BICDL1: variants seen among roughly 807,000 people sequenced by gnomAD.
BICDL1 encodes the protein BICD family like cargo adaptor 1.
BICDL1 carries 20 observed loss-of-function variants against 76.8 expected under a neutral mutation model. That is an observed-to-expected ratio of 0.26 (90% confidence interval 0.18 to 0.38). BICDL1 has a LOEUF of 0.38. Ranked by LOEUF, BICDL1 falls within the 10% of genes least tolerant of loss-of-function variation. The pLI is 1.00. For missense variants in BICDL1, 700 were observed against 798.6 expected (o/e 0.88, Z 1.49); for synonymous variants, 383 against 337.1 (o/e 1.14, Z -1.49).
chr12:120,078,157 T>G (rs1374107523), intron 7 of BICDL1, among the ~76,000 whole-genome samples: 3 of 152,176 alleles, frequency 2.0e-5, no homozygotes, highest in African/African-American at 7.2e-5. Flanking sequence ...CACTTCCTCC[T>G]GAAACCCTCT....
At chr12:120,070,771 G>A (rs556005613) in intron 4 of BICDL1, among the ~76,000 whole-genome samples, 69 of 147,108 alleles carry the variant, frequency 4.7e-4, no homozygotes, top group Non-Finnish European at 6.2e-4. Flanking sequence ...CATTCTTGTC[G>A]CCCAGGCTGG....
chr12:120,032,797 G>T (rs1464715754), intron 2 of BICDL1, among the ~76,000 whole-genome samples: 1 of 146,520 alleles, frequency 6.8e-6, no homozygotes, highest in Non-Finnish European at 1.5e-5. Flanking sequence ...ACCCAGGCTG[G>T]AGTCAGTGGC....
intron 2 of BICDL1, among the ~76,000 whole-genome samples, chr12:120,016,195 C>T (rs948552472): frequency 1.3e-5 from 2 of 152,170 alleles, no homozygotes; most frequent in African/African-American, 4.8e-5. Context: ...CTTAGCATCA[C>T]GTCTGTGAGG....
intron 4 of BICDL1, among the ~76,000 whole-genome samples, chr12:120,070,097 T>C (rs986628438): frequency 5.9e-5 from 9 of 152,246 alleles, no homozygotes; most frequent in Non-Finnish European, 1.3e-4. Context: ...GAACATCCTG[T>C]GTATGTCTGT....
chr12:120,053,306 A>G (rs1458331605), intron 2 of BICDL1, among the ~76,000 whole-genome samples: 2 of 151,956 alleles, frequency 1.3e-5, no homozygotes, highest in Non-Finnish European at 2.9e-5. Context: ...CTGGTCTCGA[A>G]CTCCTGACCT....
chr12:120,059,827 C>G (rs1020170673), intron 2 of BICDL1, among the ~76,000 whole-genome samples: 1 of 152,132 alleles, frequency 6.6e-6, no homozygotes, highest in African/African-American at 2.4e-5. Context: ...ATCCTCCCAC[C>G]TCAGCCTCCC....
intron 2 of BICDL1, chr12:120,000,122 GAGA>G (rs1335833250): frequency 1.3e-5 from 2 of 156,820 alleles, no homozygotes; most frequent in African/African-American, 4.8e-5. Flanking sequence ...GGGAAGGGAG[GAGA>G]AGAAGGAAAG....
rs1231884891 is a variant in BICDL1 at position 120,064,840 on chromosome 12, G to C, written c.870G>C (p.Val290=). Residue 290 remains valine, a synonymous_variant, in exon 4 of 10, where the codon GTG becomes GTC. Coordinates refer to ENST00000548673, the MANE Select transcript of BICDL1 (RefSeq NM_001367886.1). ...QGTVEELQDR[V]LILERQGHDK... Reference sequence around the variant, plus strand: ...CCGTGGAGGAGCTACAGGACCGGGTGCTAATCCTGGAGAGGCAGGGCCATG... The same window carrying C: ...CCGTGGAGGAGCTACAGGACCGGGTCCTAATCCTGGAGAGGCAGGGCCATG... The C allele has an allele frequency of 1.2e-6, 2 of 1,613,340 alleles. No homozygotes were observed. The highest frequency in any genetic ancestry group is 1.7e-6 in the Non-Finnish European group (2 of 1,179,634).
chr12:120,089,891 A>C (rs1874817793), intron 8 of BICDL1, 60 bp from the exon 9 acceptor site: 6 of 1,587,268 alleles, frequency 3.8e-6, no homozygotes, highest in South Asian at 3.4e-5. Context: ...TGCCCCAAGT[A>C]AAGACCAAGA....
In BICDL1 at chr12:120,079,673, A is replaced by G. The variant is rs903311645; in HGVS notation, c.1453-1214A>G. Among the ~76,000 whole-genome samples, 11 of 152,206 alleles carry G rather than the reference A, an allele frequency of 7.2e-5. No individual in the cohort carries two copies. The highest frequency in any genetic ancestry group is 2.7e-4 in the African/African-American group (11 of 41,440). On this transcript the variant is annotated intron_variant, in intron 7 of 9. Coordinates refer to ENST00000548673, the MANE Select transcript of BICDL1 (RefSeq NM_001367886.1). This position sits in a 1 kb window ranked among gnomAD's most constrained non-coding sequence, Gnocchi z 4.3. ...GCAGGGTTTCTGGTTGCAAACAGCA[A>G]AACATGTACTCTGCTTAATGTAAGC...
intron 2 of BICDL1, among the ~76,000 whole-genome samples, chr12:120,058,071 G>A (rs1385933546): frequency 6.6e-6 from 1 of 151,580 alleles, no homozygotes; most frequent in Non-Finnish European, 1.5e-5. Context: ...CTGACCTCGC[G>A]ATCCACCCGC....
chr12:120,035,682 C>T (rs902494023), intron 2 of BICDL1, among the ~76,000 whole-genome samples: 4 of 152,082 alleles, frequency 2.6e-5, no homozygotes, highest in African/African-American at 9.7e-5. Flanking sequence ...ATGCTCTATA[C>T]AGAGTATAAA....
chr12:120,060,356 T>C (rs1245295732), intron 2 of BICDL1, among the ~76,000 whole-genome samples: 1 of 151,962 alleles, frequency 6.6e-6, no homozygotes, highest in Non-Finnish European at 1.5e-5. Flanking sequence ...GTGTGTAGGG[T>C]GGGGTGAGGG....
intron 2 of BICDL1, among the ~76,000 whole-genome samples, chr12:120,053,508 A>G (rs1952909037): frequency 6.6e-6 from 1 of 152,180 alleles, no homozygotes; most frequent in South Asian, 2.1e-4. Flanking sequence ...CATTACTGTC[A>G]TTATTTGTTT....
chr12:120,034,508 T>C (rs1450652718), intron 2 of BICDL1, among the ~76,000 whole-genome samples: 1 of 152,246 alleles, frequency 6.6e-6, no homozygotes, highest in Non-Finnish European at 1.5e-5. Flanking sequence ...ATGACCCGTT[T>C]TGGGATGTAA....
intron 9 of BICDL1, chr12:120,092,685 G>A: frequency 1.0e-6 from 1 of 985,448 alleles, no homozygotes; most frequent in Non-Finnish European, 1.2e-6. Flanking sequence ...CAGAGCAGGT[G>A]GAGTGCTAGT....
chr12:120,042,486 G>A (rs1952662030), intron 2 of BICDL1, among the ~76,000 whole-genome samples: 1 of 152,096 alleles, frequency 6.6e-6, no homozygotes, highest in African/African-American at 2.4e-5. Flanking sequence ...CCAAGTGGAT[G>A]TGGTAAGTAG....
At chr12:120,072,381 A>C in intron 5 of BICDL1, 130 bp from the exon 6 acceptor site, 1 of 791,648 alleles carries the variant, frequency 1.3e-6, no homozygotes, top group Admixed American at 2.6e-5. Flanking sequence ...AAAAAAACAC[A>C]GAACAAAAAA....
intron 2 of BICDL1, among the ~76,000 whole-genome samples, chr12:120,004,309 G>A (rs1951813621): frequency 6.6e-6 from 1 of 152,042 alleles, no homozygotes; most frequent in Admixed American, 6.6e-5. Flanking sequence ...ATCCAGAATT[G>A]GGGTCATGTG....
Sources: allele counts gnomAD v4.1 joint callset (sites outside exome capture counted in the v4.1 genomes callset), GRCh38; gene constraint gnomAD v4.1.1; non-coding constraint Gnocchi (gnomAD v3.1); transcripts MANE v1.5; gene names NCBI Gene and HGNC (gene_info 2026-07-23, HGNC 2026-07-21).